Variants in MYOF observed in about 807,000 individuals in gnomAD.
MYOF encodes the protein fer-1-like 3, myoferlin.
In MYOF, 244 loss-of-function variants were observed where a neutral mutation model predicts 284.2. The observed-to-expected ratio is 0.86, with a 90% CI of 0.77 to 0.95. The LOEUF (loss-of-function observed/expected upper bound fraction) is 0.95, where lower values mean the gene tolerates loss of function less well. Among genes scored for constraint, MYOF ranks in the 40% least tolerant of loss-of-function variants. The pLI is 0.00. For missense variants in MYOF, 2,496 were observed against 2,560.6 expected (o/e 0.97, Z 0.54); for synonymous variants, 904 against 919.7 (o/e 0.98, Z 0.31).
intron 42 of MYOF, among the ~76,000 whole-genome samples, 187 bp from the exon 43 acceptor site, chr10:93,333,499 G>A (rs1589402619): frequency 7.0e-6 from 1 of 143,846 alleles, no homozygotes; most frequent in African/African-American, 2.6e-5. Context: ...TTGTGTGGGT[G>A]CAGGGGTGGT....
chr10:93,387,871 C>CTAA lies in MYOF; in HGVS notation c.1621_1623dup (p.Leu541dup). 1 of 1,614,128 alleles carries CTAA rather than the reference C, an allele frequency of 6.2e-7. No homozygotes were observed. The highest frequency in any genetic ancestry group is 8.5e-7 in the Non-Finnish European group (1 of 1,180,018). Reference sequence around the variant, plus strand: ...GGTGGTGTCTTCTCAAGAAAAGTGGCTAATTCAACCAAGATCCTGCCTCTG... The same window carrying CTAA: ...GGTGGTGTCTTCTCAAGAAAAGTGGCTAATAATTCAACCAAGATCCTGCCTCTG... On this transcript the variant is annotated inframe_insertion, in exon 19 of 54. Transcript: ENST00000359263.
chr10:93,339,765 G>A (rs914033280), intron 39 of MYOF, among the ~76,000 whole-genome samples: 3 of 151,824 alleles, frequency 2.0e-5, no homozygotes, highest in Admixed American at 6.6e-5. Context: ...CACTGTGCCC[G>A]GCCCCCCTAG....
At chr10:93,405,620 T>A (rs1044075517) in intron 7 of MYOF, among the ~76,000 whole-genome samples, 1 of 152,086 alleles carries the variant, frequency 6.6e-6, no homozygotes, top group Non-Finnish European at 1.5e-5. Flanking sequence ...ACAGTCTAGA[T>A]TTGTGTGAAT....
intron 1 of MYOF, among the ~76,000 whole-genome samples, chr10:93,475,725 A>G (rs1009464561): frequency 1.3e-5 from 2 of 152,244 alleles, no homozygotes; most frequent in Non-Finnish European, 2.9e-5. Context: ...CAAATCCTAC[A>G]GTAAAGGAGA....
intron 3 of MYOF, among the ~76,000 whole-genome samples, chr10:93,442,648 G>A (rs1371110816): frequency 6.6e-6 from 1 of 152,198 alleles, no homozygotes; most frequent in Non-Finnish European, 1.5e-5. Context: ...TGGTGTGGAA[G>A]TATATATAAT....
intron 1 of MYOF, among the ~76,000 whole-genome samples, chr10:93,461,716 C>A (rs903217761): frequency 1.3e-5 from 2 of 152,094 alleles, no homozygotes; most frequent in African/African-American, 4.8e-5. Flanking sequence ...GGGTAGGGGG[C>A]AAACGGGCTT....
rs1156825816 is a variant in MYOF at position 93,325,894 on chromosome 10, G to A, written c.5203C>T (p.Gln1735Ter). Residue 1735 changes from glutamine (Q) to a stop codon, truncating the protein, a stop_gained, in exon 46 of 54, where the codon CAG becomes TAG. Coordinates refer to ENST00000359263, the MANE Select transcript of MYOF (RefSeq NM_013451.4). LOFTEE classifies it high-confidence loss of function. The part of the protein sequence containing the change: ...ERLALHILRT[Q>*]GLVPEHVETR... Reference sequence around the variant, plus strand: ...TCCACGTGCTCAGGGACCAGCCCCTGAGTCCTGAGGATGTGAAGAGCAAGC... The same window carrying A: ...TCCACGTGCTCAGGGACCAGCCCCTAAGTCCTGAGGATGTGAAGAGCAAGC... 6 of 1,614,138 alleles carry A rather than the reference G, an allele frequency of 3.7e-6. No homozygotes were observed. The highest frequency in any genetic ancestry group is 4.2e-6 in the Non-Finnish European group (5 of 1,180,016).
At chr10:93,395,336 G>A (rs12255251) in intron 16 of MYOF, among the ~76,000 whole-genome samples, 10,414 of 152,176 alleles carry the variant, frequency 0.068, 436 homozygotes, top group African/African-American at 0.11. Context: ...CCAGCTACTC[G>A]GGAGGCTGAG....
intron 1 of MYOF, among the ~76,000 whole-genome samples, chr10:93,467,185 C>T (rs1214653756): frequency 6.6e-6 from 1 of 151,588 alleles, no homozygotes; most frequent in Non-Finnish European, 1.5e-5. Flanking sequence ...TATTATTATA[C>T]TTTAAGTTTT....
chr10:93,397,683 C>A (rs1010897241), intron 13 of MYOF, among the ~76,000 whole-genome samples: 5 of 151,508 alleles, frequency 3.3e-5, no homozygotes, highest in Admixed American at 6.6e-5. Context: ...AATTAGTTTT[C>A]AATTGTCAGG....
chr10:93,387,774 A>G (rs766221105), intron 19 of MYOF, 23 bp downstream of exon 19: 8 of 1,595,172 alleles, frequency 5.0e-6, no homozygotes, highest in Admixed American at 1.7e-5. Flanking sequence ...TATACCATGC[A>G]TTACTCACAC....
At chr10:93,409,833 ATGTTT>A (rs1370557015) in intron 5 of MYOF, 94 bp from the exon 6 acceptor site, 68 of 1,477,620 alleles carry the variant, frequency 4.6e-5, no homozygotes, top group Non-Finnish European at 6.3e-5. Flanking sequence ...GTCTGCCATT[ATGTTT>A]TAAGTGTTCC....
intron 3 of MYOF, among the ~76,000 whole-genome samples, chr10:93,446,511 A>G (rs1466622506): frequency 6.6e-6 from 1 of 151,984 alleles, no homozygotes; most frequent in Non-Finnish European, 1.5e-5. Flanking sequence ...CAGAAGATGC[A>G]GGGTGTGGCT....
chr10:93,315,032 G>A (rs1842556076), intron 50 of MYOF, among the ~76,000 whole-genome samples: 1 of 152,078 alleles, frequency 6.6e-6, no homozygotes, highest in Admixed American at 6.6e-5. Flanking sequence ...GCCTGGGTGA[G>A]AGAGTGAGAC....
chr10:93,418,893 G>A (rs1848244736), intron 5 of MYOF, among the ~76,000 whole-genome samples: 1 of 152,134 alleles, frequency 6.6e-6, no homozygotes, highest in Non-Finnish European at 1.5e-5. Context: ...CAGTTTACTA[G>A]ACAAAGCCAC....
In MYOF at chr10:93,471,664, G is replaced by A. The variant is rs557431067; in HGVS notation, c.88+10443C>T. On this transcript the variant is annotated intron_variant, in intron 1 of 53. Coordinates refer to ENST00000359263, the MANE Select transcript of MYOF (RefSeq NM_013451.4). Reference sequence around the variant, plus strand: ...AGCACTTTGGGAGGCCAAGGTGGGCGGATCACCTGAGGTCAGGAGATCGAG... The same window carrying A: ...AGCACTTTGGGAGGCCAAGGTGGGCAGATCACCTGAGGTCAGGAGATCGAG... 5.6e-4 allele frequency among the ~76,000 whole-genome samples: 86 copies of A among 152,214 alleles called. 1 individual carries two copies. Among genetic ancestry groups the A allele is most frequent in the Middle Eastern group, 3.4e-3 (1 of 294 alleles).
intron 22 of MYOF, among the ~76,000 whole-genome samples, chr10:93,376,235 C>T (rs568333951): frequency 1.9e-4 from 29 of 152,262 alleles, no homozygotes; most frequent in African/African-American, 6.0e-4. Context: ...TAAATAACTA[C>T]GGCATTGTAT....
At chr10:93,350,592 C>T (rs1017111416) in intron 35 of MYOF, among the ~76,000 whole-genome samples, 2 of 152,176 alleles carry the variant, frequency 1.3e-5, no homozygotes, top group African/African-American at 2.4e-5. Flanking sequence ...GAATTACAGG[C>T]GTGAGCTACT....
intron 3 of MYOF, among the ~76,000 whole-genome samples, chr10:93,448,031 C>A (rs1037818825): frequency 6.6e-6 from 1 of 152,102 alleles, no homozygotes; most frequent in African/African-American, 2.4e-5. Context: ...CGTGCCTTGG[C>A]CCCCAAAGCC....
Sources: allele counts gnomAD v4.1 joint callset (sites outside exome capture counted in the v4.1 genomes callset), GRCh38; gene constraint gnomAD v4.1.1; transcripts MANE v1.5; gene names NCBI Gene and HGNC (gene_info 2026-07-23, HGNC 2026-07-21).